AGBL4: variants seen among roughly 807,000 people sequenced by gnomAD.
AGBL4 encodes cytosolic carboxypeptidase 6.
In AGBL4, 58 loss-of-function variants were observed where a neutral mutation model predicts 66.4. The ratio of observed to expected loss-of-function variants is 0.87; its 90% CI spans 0.71 to 1.09. The LOEUF (loss-of-function observed/expected upper bound fraction) is 1.09, where lower values mean the gene tolerates loss of function less well. Ranked by LOEUF, AGBL4 falls within the 50% of genes least tolerant of loss-of-function variation. The pLI is 0.00. For synonymous variants in AGBL4, 234 were observed against 222.9 expected (o/e 1.05, Z -0.44); for missense variants, 579 against 631.0 (o/e 0.92, Z 0.88).
At chr1:49,044,278 G>T (rs949102716) in intron 5 of AGBL4, among the ~76,000 whole-genome samples, 1 of 151,842 alleles carries the variant, frequency 6.6e-6, no homozygotes. Context: ...CGGGTGGATC[G>T]CCTGAGGTCA....
chr1:49,748,020 T>C (rs1272556649), intron 2 of AGBL4, among the ~76,000 whole-genome samples: 1 of 152,020 alleles, frequency 6.6e-6, no homozygotes, highest in Non-Finnish European at 1.5e-5. Flanking sequence ...TTTTTAATTA[T>C]ACTTTAAGTT....
intron 1 of AGBL4, among the ~76,000 whole-genome samples, chr1:49,955,949 A>G (rs1412115682): frequency 6.6e-6 from 1 of 151,910 alleles, no homozygotes; most frequent in Non-Finnish European, 1.5e-5. Context: ...CATGAGGGCC[A>G]TATCTCATTC....
At chr1:49,516,831 T>C (rs1018148221) in intron 3 of AGBL4, among the ~76,000 whole-genome samples, 3 of 152,082 alleles carry the variant, frequency 2.0e-5, no homozygotes, top group Non-Finnish European at 4.4e-5. Context: ...GAAATGTTCC[T>C]ATGACTCTCA....
At position 49,036,560 on chromosome 1, in the gene AGBL4, T is replaced by C. The variant is rs547582025; in HGVS notation, c.594+9024A>G. 1.5e-3 allele frequency among the ~76,000 whole-genome samples: 231 copies of C among 152,078 alleles called. 4 individuals are homozygous for C. The highest frequency in any genetic ancestry group is 5.4e-3 in the African/African-American group (224 of 41,512). On this transcript the variant is annotated intron_variant, in intron 5 of 13. Coordinates refer to ENST00000371839, the MANE Select transcript of AGBL4 (RefSeq NM_032785.4). ...GCATGTAGTCAGTGTCTTGATATGA[T>C]TGTCTTATTTATTTATTTATTTTAA...
At chr1:49,024,253 C>T (rs1017097878) in intron 5 of AGBL4, among the ~76,000 whole-genome samples, 1 of 152,222 alleles carries the variant, frequency 6.6e-6, no homozygotes, top group Admixed American at 6.5e-5. Context: ...CTCAAACATC[C>T]TTCTCCACAG....
chr1:48,834,864 CTT>C (rs1646639301), intron 6 of AGBL4, among the ~76,000 whole-genome samples: 1 of 152,126 alleles, frequency 6.6e-6, no homozygotes, highest in African/African-American at 2.4e-5. Context: ...AGATTCCTAA[CTT>C]GGTGAAAGTT....
chr1:49,061,586 G>C (rs916482848), intron 4 of AGBL4, among the ~76,000 whole-genome samples: 1 of 152,138 alleles, frequency 6.6e-6, no homozygotes, highest in African/African-American at 2.4e-5. Flanking sequence ...AAGAATTACT[G>C]TGGTAGTGTG....
chr1:49,784,870 A>T (rs1366018326), intron 2 of AGBL4, among the ~76,000 whole-genome samples: 1 of 152,140 alleles, frequency 6.6e-6, no homozygotes, highest in African/African-American at 2.4e-5. Context: ...GATTAATGAA[A>T]TGCAAATCAA....
intron 9 of AGBL4, among the ~76,000 whole-genome samples, chr1:48,604,307 T>C (rs1645122757): frequency 6.6e-6 from 1 of 152,140 alleles, no homozygotes; most frequent in Non-Finnish European, 1.5e-5. Context: ...TCCACTGAGA[T>C]TGGAGATGTC....
intron 5 of AGBL4, among the ~76,000 whole-genome samples, chr1:48,974,137 T>C (rs1203652333): frequency 6.6e-6 from 1 of 152,032 alleles, no homozygotes; most frequent in African/African-American, 2.4e-5. Flanking sequence ...GGGTATGACC[T>C]TGAGTGAAGG....
chr1:49,314,987 A>T (rs762756415), intron 3 of AGBL4, among the ~76,000 whole-genome samples: 43 of 152,056 alleles, frequency 2.8e-4, no homozygotes, highest in Non-Finnish European at 2.1e-4. Flanking sequence ...ACCAGTAATC[A>T]CACTACCTGA....
At chr1:49,072,353 T>C (rs531657057) in intron 4 of AGBL4, among the ~76,000 whole-genome samples, 2 of 152,224 alleles carry the variant, frequency 1.3e-5, no homozygotes, top group Non-Finnish European at 2.9e-5. Context: ...GTCTTTACAA[T>C]GTGGCATGTT....
intron 3 of AGBL4, among the ~76,000 whole-genome samples, chr1:49,609,079 T>C (rs1480840286): frequency 6.6e-6 from 1 of 152,170 alleles, no homozygotes; most frequent in East Asian, 1.9e-4. Context: ...TACATTACAT[T>C]GTCTTTCATT....
chr1:49,356,767 A>G (rs1471530327), intron 3 of AGBL4, among the ~76,000 whole-genome samples: 6 of 152,214 alleles, frequency 3.9e-5, no homozygotes, highest in Non-Finnish European at 8.8e-5. Context: ...AATGTAGGCA[A>G]AGTGGGAAAT....
At chr1:48,876,793 A>G (rs757709563) in intron 5 of AGBL4, among the ~76,000 whole-genome samples, 4 of 152,180 alleles carry the variant, frequency 2.6e-5, no homozygotes, top group Non-Finnish European at 5.9e-5. Flanking sequence ...GTGATGTTTT[A>G]GCTTATTGAC....
intron 2 of AGBL4, among the ~76,000 whole-genome samples, chr1:49,772,196 T>C (rs1016209974): frequency 1.3e-5 from 2 of 152,120 alleles, no homozygotes; most frequent in African/African-American, 2.4e-5. Context: ...AGTCTTGCAG[T>C]TATAACAGAC....
intron 4 of AGBL4, among the ~76,000 whole-genome samples, chr1:49,054,807 AT>A (rs1435893634): frequency 6.6e-6 from 1 of 151,846 alleles, no homozygotes; most frequent in African/African-American, 2.4e-5. Flanking sequence ...AAGGCTCAAA[AT>A]TTTTTTTAAT....
chr1:48,954,926 T>A (rs778199676), intron 5 of AGBL4, among the ~76,000 whole-genome samples: 22 of 152,174 alleles, frequency 1.4e-4, no homozygotes, highest in Non-Finnish European at 2.8e-4. Flanking sequence ...AATGTATATA[T>A]AGCATATGGT....
At chr1:49,306,244 A>G (rs899698284) in intron 3 of AGBL4, among the ~76,000 whole-genome samples, 1 of 152,322 alleles carries the variant, frequency 6.6e-6, no homozygotes, top group Admixed American at 6.5e-5. Context: ...TTTCCAAGAT[A>G]TATACATGAT....
Sources: allele counts gnomAD v4.1 joint callset (sites outside exome capture counted in the v4.1 genomes callset), GRCh38; gene constraint gnomAD v4.1.1; transcripts MANE v1.5; gene names NCBI Gene and HGNC (gene_info 2026-07-23, HGNC 2026-07-21).